RBFOX3: variants seen among roughly 807,000 people sequenced by gnomAD.
RBFOX3 encodes RNA binding protein fox-1 homolog 3.
A neutral mutation model predicts 48.7 loss-of-function variants in RBFOX3; 17 were observed. The observed-to-expected ratio is 0.35, with a 90% CI of 0.24 to 0.52. The LOEUF is 0.52. RBFOX3 is among the 20% of genes least tolerant of loss of function. The probability of loss-of-function intolerance (pLI) is 0.94; values close to 1 mark genes in which losing one functional copy is unlikely to be tolerated. For missense variants in RBFOX3, 382 were observed against 497.5 expected, an observed-to-expected ratio of 0.77 and a Z score of 2.21; for synonymous variants, 212 against 209.5, an observed-to-expected ratio of 1.01 and a Z score of -0.10.
chr17:79,354,368 C>T (rs1046541300), intron 2 of RBFOX3, among the ~76,000 whole-genome samples: 2 of 152,234 alleles, frequency 1.3e-5, no homozygotes, highest in Admixed American at 6.5e-5. Context: ...CTAGCACTGC[C>T]GGAGCCTCCC....
At chr17:79,316,379 G>C (rs1428169505) in intron 2 of RBFOX3, among the ~76,000 whole-genome samples, 1 of 152,230 alleles carries the variant, frequency 6.6e-6, no homozygotes, top group African/African-American at 2.4e-5. Flanking sequence ...TGTGGTCGGT[G>C]CTGTCCAGCT....
intron 2 of RBFOX3, among the ~76,000 whole-genome samples, chr17:79,446,236 T>C (rs1178887167): frequency 3.9e-5 from 6 of 152,132 alleles, no homozygotes; most frequent in Non-Finnish European, 5.9e-5. Context: ...GCCTCCATCA[T>C]TCCCATACTC....
chr17:79,209,338 C>T (rs532995809), intron 4 of RBFOX3, among the ~76,000 whole-genome samples: 47 of 152,226 alleles, frequency 3.1e-4, no homozygotes, highest in Non-Finnish European at 5.4e-4. Flanking sequence ...TGCACAGCTC[C>T]GGGACCTCCC....
At chr17:79,612,298 G>C (rs980470746), upstream of RBFOX3, among the ~76,000 whole-genome samples, 15 of 152,178 alleles carry the variant, frequency 9.9e-5, no homozygotes, top group Non-Finnish European at 1.8e-4. Flanking sequence ...GCTCCTGAAG[G>C]CTGCTCCTGG....
At chr17:79,550,625 G>A (rs1377276790) in intron 1 of RBFOX3, among the ~76,000 whole-genome samples, 5 of 152,214 alleles carry the variant, frequency 3.3e-5, no homozygotes, top group African/African-American at 7.2e-5. Context: ...CAGATGATGG[G>A]TGGATAGATG....
intron 3 of RBFOX3, among the ~76,000 whole-genome samples, chr17:79,266,084 G>A (rs910589083): frequency 2.0e-5 from 3 of 152,158 alleles, no homozygotes; most frequent in Admixed American, 6.5e-5. Context: ...CAGCCTTCCC[G>A]CCCCTCTCAG....
chr17:79,609,670 G>A (rs2093925650), intron 1 of RBFOX3, among the ~76,000 whole-genome samples: 1 of 94,822 alleles, frequency 1.1e-5, no homozygotes, highest in East Asian at 3.4e-4. Flanking sequence ...CCCACCCTAC[G>A]TGATACCAGG....
rs1292426531 is a variant in RBFOX3 at position 79,212,079 on chromosome 17, G to A, written c.-34+23687C>T. Among the ~76,000 whole-genome samples, 3 of 152,218 alleles carry A rather than the reference G, an allele frequency of 2.0e-5. No homozygotes were observed. Among genetic ancestry groups the A allele is most frequent in the African/African-American group, 7.2e-5 (3 of 41,456 alleles). On this transcript the variant is annotated intron_variant, in intron 4 of 14. Coordinates refer to ENST00000693108, the MANE Select transcript of RBFOX3 (RefSeq NM_001350451.2). This position sits in a 1 kb window ranked among gnomAD's most constrained non-coding sequence, Gnocchi z 4.7. ...GCACCCTCCCTCCTGGAGTCCCGCTGCATTGGGGAAATTGACCAGCGCCCA... is the reference window on the plus strand; with the variant it reads ...GCACCCTCCCTCCTGGAGTCCCGCTACATTGGGGAAATTGACCAGCGCCCA...
chr17:79,572,091 C>T (rs1293842085), intron 1 of RBFOX3, among the ~76,000 whole-genome samples: 1 of 152,148 alleles, frequency 6.6e-6, no homozygotes, highest in African/African-American at 2.4e-5. Flanking sequence ...ATCTTATACA[C>T]GGGGAAACTA....
intron 2 of RBFOX3, among the ~76,000 whole-genome samples, chr17:79,351,421 C>CT (rs1300196840): frequency 3.9e-5 from 6 of 152,132 alleles, no homozygotes; most frequent in African/African-American, 4.8e-5. Context: ...CCCATTCTTG[C>CT]TTTTTTTAAG....
intron 2 of RBFOX3, among the ~76,000 whole-genome samples, chr17:79,450,209 C>A (rs373477856): frequency 6.6e-6 from 1 of 152,234 alleles, no homozygotes; most frequent in African/African-American, 2.4e-5. Context: ...ACACTGTGGA[C>A]TGCCCTCCCG....
At chr17:79,281,243 C>A (rs1350482875) in intron 3 of RBFOX3, among the ~76,000 whole-genome samples, 2 of 152,030 alleles carry the variant, frequency 1.3e-5, no homozygotes, top group East Asian at 3.9e-4. Context: ...GTGCCTTGGG[C>A]CTGGAGGAGC....
chr17:79,100,459 GCCAGGCCAGAGGC>G (rs2076206936), intron 9 of RBFOX3: 1 of 152,190 alleles, frequency 6.6e-6, no homozygotes, highest in African/African-American at 2.4e-5. Context: ...TCTAACTTGG[GCCAGGCCAGAGGC>G]CCGGCCCCAC....
intron 1 of RBFOX3, among the ~76,000 whole-genome samples, chr17:79,528,198 G>T (rs1335477831): frequency 6.6e-6 from 1 of 151,780 alleles, no homozygotes; most frequent in East Asian, 1.9e-4. Context: ...TATCTCTGAG[G>T]AGGATCTTAG....
chr17:79,300,387 G>A (rs1442633703), intron 3 of RBFOX3, among the ~76,000 whole-genome samples: 3 of 152,184 alleles, frequency 2.0e-5, no homozygotes, highest in African/African-American at 7.2e-5. Context: ...AATCAGAAAG[G>A]GAAGTGGGTG....
chr17:79,243,542 A>G lies in RBFOX3; in HGVS notation c.-73-7737T>C, dbSNP rs1299387469. ...CAGTCAATTGCTTGGGTGATATATT[A>G]GAGGTTCTGTCTGGTGGGATGAGGT... On this transcript the variant is annotated intron_variant, in intron 3 of 14. Transcript: ENST00000693108. The surrounding 1 kb of genome is among the most constrained non-coding windows in gnomAD (Gnocchi z 7.9). 6.6e-6 allele frequency among the ~76,000 whole-genome samples: 1 copy of G among 152,032 alleles called. No homozygotes were observed. The highest frequency in any genetic ancestry group is 2.4e-5 in the African/African-American group (1 of 41,388).
At chr17:79,184,495 C>G (rs2052990312) in intron 4 of RBFOX3, among the ~76,000 whole-genome samples, 1 of 151,794 alleles carries the variant, frequency 6.6e-6, no homozygotes, top group Admixed American at 6.6e-5. Flanking sequence ...TCAGCGGCCA[C>G]ACACACACCC....
At chr17:79,441,090 G>A (rs535794429) in intron 2 of RBFOX3, among the ~76,000 whole-genome samples, 5 of 152,372 alleles carry the variant, frequency 3.3e-5, no homozygotes, top group South Asian at 2.1e-4. Context: ...AGGAAAGGGC[G>A]TCAGCGGAGG....
At chr17:79,428,788 C>T (rs1488133903) in intron 2 of RBFOX3, among the ~76,000 whole-genome samples, 2 of 152,232 alleles carry the variant, frequency 1.3e-5, no homozygotes, top group African/African-American at 4.8e-5. Flanking sequence ...GGCTTATGTT[C>T]TCAGAACTAG....
Sources: gnomAD v4.1 joint callset for allele counts (sites outside exome capture counted in the v4.1 genomes callset) on GRCh38, gnomAD v4.1.1 for gene constraint, Gnocchi (gnomAD v3.1) non-coding constraint, MANE v1.5 for transcripts, NCBI Gene and HGNC (gene_info 2026-07-23, HGNC 2026-07-21) for gene names.